Variants in PLD1 observed in about 807,000 individuals in gnomAD.
PLD1 encodes the protein phospholipase D1, also known as choline phosphatase 1.
PLD1 carries 112 observed loss-of-function variants against 137.1 expected under a neutral mutation model. That is an observed-to-expected ratio of 0.82 (90% CI 0.70 to 0.96). The LOEUF (loss-of-function observed/expected upper bound fraction) is 0.96, where lower values mean the gene tolerates loss of function less well. Among genes scored for constraint, PLD1 ranks in the 40% least tolerant of loss-of-function variants. The pLI is 0.00. For missense variants in PLD1, 1,321 were observed against 1,342.0 expected (o/e 0.98, Z 0.24); for synonymous variants, 431 against 454.7 (o/e 0.95, Z 0.66).
chr3:171,625,330 T>C (rs958143862), intron 23 of PLD1, among the ~76,000 whole-genome samples: 7 of 152,314 alleles, frequency 4.6e-5, no homozygotes, highest in Admixed American at 4.6e-4. Context: ...CAGGCTTGCT[T>C]AGGTAAACAA....
intron 1 of PLD1, among the ~76,000 whole-genome samples, chr3:171,743,697 A>G (rs1330306161): frequency 6.6e-6 from 1 of 152,206 alleles, no homozygotes; most frequent in Non-Finnish European, 1.5e-5. Context: ...AGCATTTTGC[A>G]TATATTTTCA....
rs573315221 is a variant in PLD1, at chr3:171,799,617, C to T, written c.-32+10782G>A. 7.9e-5 allele frequency among the ~76,000 whole-genome samples: 12 copies of T among 152,274 alleles called. No homozygotes were observed. The South Asian group carries it at 2.1e-3, about 26-fold the overall frequency. The stretch of plus-strand genomic sequence containing the variant: ...CAAAAGTATGGGTTGTGCACAGTGA[C>T]TTCTTTCCAAAGAGTACAGTGTGGA... On this transcript the variant is annotated intron_variant, in intron 1 of 26. Coordinates refer to ENST00000351298, the MANE Select transcript of PLD1 (RefSeq NM_002662.5).
chr3:171,613,503 G>C (rs1471538650), intron 24 of PLD1, among the ~76,000 whole-genome samples: 1 of 152,186 alleles, frequency 6.6e-6, no homozygotes, highest in African/African-American at 2.4e-5. Flanking sequence ...CAAAACTCAA[G>C]AGTACCTTCA....
At position 171,639,605 on chromosome 3, in the gene PLD1, T is replaced by C. The variant is rs1735513738; in HGVS notation, c.2593+3235A>G. 2.5e-5 allele frequency among the ~76,000 whole-genome samples: 2 copies of C among 80,328 alleles called. 1 individual carries two copies. Among genetic ancestry groups the C allele is most frequent in the Non-Finnish European group, 4.2e-5 (2 of 47,834 alleles). 52.7% of individuals were successfully genotyped at this position (80,328 alleles called of 152,430 possible). On this transcript the variant is annotated intron_variant, in intron 23 of 26. Transcript: ENST00000351298. The stretch of plus-strand genomic sequence containing the variant: ...ATTCATATAATATATATTCATATAA[T>C]ATATATTATATATAATATATATTCT...
At chr3:171,764,984 AAGAAAGAAAG>A (rs1345040060) in intron 1 of PLD1, 2 of 145,794 alleles carry the variant, frequency 1.4e-5, no homozygotes, top group African/African-American at 2.5e-5. Context: ...GAAAGAAAGA[AAGAAAGAAAG>A]AAAGAAAGAA....
chr3:171,788,253 T>C (rs906566267), intron 1 of PLD1, among the ~76,000 whole-genome samples: 4 of 50,932 alleles, frequency 7.9e-5, no homozygotes, highest in Non-Finnish European at 1.7e-4. Context: ...TGCACTTCTT[T>C]TTTTTTTTTT....
intron 23 of PLD1, among the ~76,000 whole-genome samples, chr3:171,626,444 G>C (rs9818692): frequency 0.17 from 26,529 of 152,066 alleles, 2,403 homozygotes; most frequent in South Asian, 0.24. Flanking sequence ...TATTATCCAG[G>C]AGAACTTCCC....
Position 171,624,427 on chromosome 3 carries a change from G to A in PLD1, c.2594-3907C>T, listed in dbSNP as rs374557016. On this transcript the variant is annotated intron_variant, in intron 23 of 26. Transcript: ENST00000351298. The stretch of plus-strand genomic sequence containing the variant: ...TCTCTCATATATTGGTGATGAAAAT[G>A]CAAATTCATACAAATTTTTTGAAGG... Among the ~76,000 whole-genome samples, 34 of 152,196 alleles carry A rather than the reference G, an allele frequency of 2.2e-4. No homozygotes were observed. The East Asian group carries it at 5.4e-3, about 24-fold the overall frequency.
Position 171,601,468 on chromosome 3 carries a change from C to A in PLD1, c.*1610G>T, listed in dbSNP as rs1422766080. The A allele has an allele frequency of 2.0e-5, 3 of 149,350 alleles. No individual in the cohort carries two copies. The East Asian group carries it at 5.8e-4, about 29-fold the overall frequency. The allele number at this position is 149,350 out of a possible 1,614,324, so 9.3% of individuals were successfully genotyped here. Reference sequence around the variant, plus strand: ...AATGAAGTCATTTTACCATCTTTAGCCATATGAAAAATAAGTTATTTACTT... The same window carrying A: ...AATGAAGTCATTTTACCATCTTTAGACATATGAAAAATAAGTTATTTACTT... On this transcript the variant is annotated 3_prime_UTR_variant, in exon 27 of 27. Transcript: ENST00000351298.
chr3:171,604,323 A>T (rs1374350887), intron 26 of PLD1, among the ~76,000 whole-genome samples: 1 of 151,968 alleles, frequency 6.6e-6, no homozygotes, highest in African/African-American at 2.4e-5. Context: ...CAATTAAAAA[A>T]AAAAAAAAAA....
chr3:171,700,334 A>ACTCTCT (rs55951070), intron 11 of PLD1, among the ~76,000 whole-genome samples: 4 of 111,460 alleles, frequency 3.6e-5, no homozygotes, highest in Non-Finnish European at 6.0e-5. Flanking sequence ...ACACACACAC[A>ACTCTCT]CTCTCTCTCT....
intron 25 of PLD1, among the ~76,000 whole-genome samples, chr3:171,605,688 C>G (rs1263371035): frequency 2.6e-5 from 4 of 151,972 alleles, no homozygotes; most frequent in Non-Finnish European, 4.4e-5. Context: ...TTATAATAAC[C>G]CTTGTACTTA....
rs762781365 is a variant in PLD1 at position 171,708,748 on chromosome 3, TACTA to T, written c.1145+3_1145+6del. ...CCAGAAAAAAATTCCCAGGGACAAA[TACTA>T]ACCACCAGTCTGTGATAAAAATCTC... On this transcript the variant is annotated splice_donor_5th_base_variant and intron_variant, in intron 11 of 26. Transcript: ENST00000351298. The T allele has an allele frequency of 6.6e-7, 1 of 1,519,456 alleles. No individual in the cohort carries two copies. The highest frequency in any genetic ancestry group is 9.1e-7 in the Non-Finnish European group (1 of 1,093,598). 94.1% of individuals were successfully genotyped at this position (1,519,456 alleles called of 1,614,324 possible).
At chr3:171,623,591 G>A (rs761142858) in intron 23 of PLD1, among the ~76,000 whole-genome samples, 39 of 151,734 alleles carry the variant, frequency 2.6e-4, no homozygotes, top group Non-Finnish European at 4.6e-4. Context: ...CAAAGTGCTG[G>A]GATTACAGGC....
intron 11 of PLD1, among the ~76,000 whole-genome samples, chr3:171,700,138 A>C (rs1300874569): frequency 6.6e-6 from 1 of 150,634 alleles, no homozygotes; most frequent in Non-Finnish European, 1.5e-5. Flanking sequence ...CCAATCTCCA[A>C]CTTCTTCCCT....
chr3:171,636,733 G>A (rs916044521), intron 23 of PLD1, among the ~76,000 whole-genome samples: 11 of 151,706 alleles, frequency 7.3e-5, no homozygotes, highest in African/African-American at 2.7e-4. Context: ...TACTCTTCCT[G>A]TTCCTTTCCC....
chr3:171,772,664 G>A (rs959343958), intron 1 of PLD1, among the ~76,000 whole-genome samples: 4 of 152,108 alleles, frequency 2.6e-5, no homozygotes, highest in East Asian at 3.9e-4. Flanking sequence ...AAAACCAAGC[G>A]AAAGCTGGAT....
intron 9 of PLD1, among the ~76,000 whole-genome samples, chr3:171,710,676 G>A (rs1347537909): frequency 6.6e-6 from 1 of 152,062 alleles, no homozygotes; most frequent in Non-Finnish European, 1.5e-5. Flanking sequence ...GCTCTAGAGG[G>A]CACTTCCCCT....
intron 8 of PLD1, among the ~76,000 whole-genome samples, chr3:171,718,064 T>C (rs760061935): frequency 6.6e-6 from 1 of 152,066 alleles, no homozygotes; most frequent in Non-Finnish European, 1.5e-5. Context: ...ATAGAGAAGA[T>C]TCAAAACCAA....
Sources: gnomAD v4.1 joint callset for allele counts (sites outside exome capture counted in the v4.1 genomes callset) on GRCh38, gnomAD v4.1.1 for gene constraint, MANE v1.5 for transcripts, NCBI Gene and HGNC (gene_info 2026-07-23, HGNC 2026-07-21) for gene names.